BCR: variants seen among roughly 807,000 people sequenced by gnomAD.
BCR encodes breakpoint cluster region protein.
A neutral mutation model predicts 138.6 loss-of-function variants in BCR; 58 were observed. That is an observed-to-expected ratio of 0.42 (90% confidence interval 0.34 to 0.52). BCR has a LOEUF of 0.52. Ranked by LOEUF, BCR falls within the 20% of genes least tolerant of loss-of-function variation. The pLI, the probability that BCR is intolerant of heterozygous loss-of-function variation, is 0.06. For missense variants in BCR, 1,599 were observed against 1,727.2 expected, an observed-to-expected ratio of 0.93 and a Z score of 1.32; for synonymous variants, 786 against 730.1, an observed-to-expected ratio of 1.08 and a Z score of -1.23.
intron 16 of BCR, among the ~76,000 whole-genome samples, chr22:23,300,391 C>T (rs889006342): frequency 7.2e-5 from 11 of 152,236 alleles, no homozygotes; most frequent in African/African-American, 2.7e-4. Flanking sequence ...GAATGTCCTT[C>T]CTCTTGAAGG....
intron 1 of BCR, among the ~76,000 whole-genome samples, chr22:23,198,628 G>A (rs914376856): frequency 6.6e-6 from 1 of 152,166 alleles, no homozygotes; most frequent in Admixed American, 6.5e-5. Context: ...GAAGAGGAAC[G>A]TGATGCTGGG....
intron 1 of BCR, among the ~76,000 whole-genome samples, chr22:23,215,398 C>T (rs541821732): frequency 2.0e-5 from 3 of 152,298 alleles, no homozygotes; most frequent in South Asian, 4.1e-4. Context: ...AGAACCTTCC[C>T]GGTTCTCTTG....
chr22:23,271,559 G>A lies in BCR; in HGVS notation c.1888G>A (p.Ala630Thr). Residue 630 changes from alanine to threonine, a missense_variant, in exon 6 of 23, where the codon GCC (alanine) becomes ACC (threonine). This residue lies in a region of BCR where 590 missense variants were observed against 762.4 expected (regional missense o/e 0.77). Coordinates refer to ENST00000305877, the MANE Select transcript of BCR (RefSeq NM_004327.4). ...CCTGAGAGCCAGAAGCAACAAAGAT[G>A]CCAAGGATCCAACGACCAAGAACTC... Reference protein sequence around the residue: ...ENLRARSNKDAKDPTTKNSLE... With the variant: ...ENLRARSNKDTKDPTTKNSLE... 1 of 1,614,106 alleles carries A rather than the reference G, an allele frequency of 6.2e-7. No homozygotes were observed. Among genetic ancestry groups the A allele is most frequent in the Non-Finnish European group, 8.5e-7 (1 of 1,180,030 alleles).
Position 23,297,302 on chromosome 22 carries a change from A to G in BCR, c.3012+2147A>G, listed in dbSNP as rs796559886. ...AGTGGTGTGATCTTGGCTCTCTGCAACCTCCCGGGTTCAAGCGATTCTCCT... is the reference window on the plus strand; with the variant it reads ...AGTGGTGTGATCTTGGCTCTCTGCAGCCTCCCGGGTTCAAGCGATTCTCCT... On this transcript the variant is annotated intron_variant, in intron 16 of 22. Coordinates refer to ENST00000305877, the MANE Select transcript of BCR (RefSeq NM_004327.4). 9.6e-5 allele frequency among the ~76,000 whole-genome samples: 14 copies of G among 146,142 alleles called. 1 individual carries two copies. The highest frequency in any genetic ancestry group is 3.6e-4 in the African/African-American group (14 of 39,240).
chr22:23,280,822 G>A (rs560411695), intron 8 of BCR, among the ~76,000 whole-genome samples: 1 of 152,234 alleles, frequency 6.6e-6, no homozygotes, highest in Non-Finnish European at 1.5e-5. Context: ...CCCAAAGGGA[G>A]TGTTGTCCTG....
At chr22:23,271,036 C>T (rs76010119) in intron 5 of BCR, among the ~76,000 whole-genome samples, 6,126 of 152,322 alleles carry the variant, frequency 0.04, 193 homozygotes, top group African/African-American at 0.079. Context: ...TGCATGCTGT[C>T]TAATTGCCCC....
At position 23,181,694 on chromosome 22, in the gene BCR, A is replaced by G; in HGVS notation, c.734A>G (p.Asp245Gly). ...SSESSCGVDG[D>G]YEDAELNPRF... ...GAGAGCAGCTGCGGCGTCGACGGCG[A>G]CTACGAGGACGCCGAGTTGAACCCC... The change falls in exon 1 of 23, where the codon GAC becomes GGC. Residue 245 changes from aspartate (D) to glycine (G), a missense_variant. Asp to Gly is a moderately conservative substitution (Grantham distance 94). Transcript: ENST00000305877. 2 of 1,604,846 alleles carry G rather than the reference A, an allele frequency of 1.2e-6. No homozygotes were observed. Among genetic ancestry groups the G allele is most frequent in the East Asian group, 4.5e-5 (2 of 44,868 alleles).
chr22:23,209,317 G>A (rs955785987), intron 1 of BCR, among the ~76,000 whole-genome samples: 4 of 151,034 alleles, frequency 2.6e-5, no homozygotes, highest in African/African-American at 7.3e-5. Context: ...CCGAGATCAC[G>A]CCACTGCACT....
intron 22 of BCR, among the ~76,000 whole-genome samples, 193 bp downstream of exon 22, chr22:23,314,907 A>G (rs191825599): frequency 1.1e-3 from 171 of 152,264 alleles, no homozygotes; most frequent in East Asian, 1.7e-3. Context: ...TGGTCCTGCT[A>G]GTGCACTTTG....
chr22:23,225,989 A>C (rs1458828603), intron 1 of BCR, among the ~76,000 whole-genome samples: 2 of 152,210 alleles, frequency 1.3e-5, no homozygotes, highest in African/African-American at 4.8e-5. Flanking sequence ...TACACAAACA[A>C]ACTCCTGGGC....
intron 1 of BCR, among the ~76,000 whole-genome samples, chr22:23,202,229 A>C (rs1192834113): frequency 6.6e-6 from 1 of 152,156 alleles, no homozygotes; most frequent in Non-Finnish European, 1.5e-5. Context: ...GAGGTAATTC[A>C]TGTACCATAC....
intron 2 of BCR, among the ~76,000 whole-genome samples, chr22:23,260,580 C>G (rs1444590555): frequency 6.6e-6 from 1 of 152,188 alleles, no homozygotes; most frequent in East Asian, 1.9e-4. Flanking sequence ...GGCTCTGACG[C>G]CCCCTCAGGT....
intron 8 of BCR, among the ~76,000 whole-genome samples, chr22:23,275,732 G>T (rs987606385): frequency 6.6e-6 from 1 of 152,182 alleles, no homozygotes; most frequent in Non-Finnish European, 1.5e-5. Flanking sequence ...AAGCCTCCAC[G>T]TGCTGGGTGG....
Position 23,180,998 on chromosome 22 carries a change from C to A in BCR, c.38C>A (p.Ala13Glu), listed in dbSNP as rs199561166. Residue 13 changes from alanine to glutamate, a missense_variant, in exon 1 of 23, where the codon GCG (alanine) becomes GAG (glutamate). Physicochemically the swap from Ala to Glu is moderately radical, Grantham distance 107. Around this residue, in one of 4 missense-constraint regions of BCR, gnomAD observed 806 missense variants for 635.0 expected, o/e 1.27. Coordinates refer to ENST00000305877, the MANE Select transcript of BCR (RefSeq NM_004327.4). ...GTGGGCTTCGCGGAGGCGTGGAAGG[C>A]GCAGTTCCCGGACTCAGAGCCCCCG... Reference protein sequence around the residue: ...DPVGFAEAWKAQFPDSEPPRM... With the variant: ...DPVGFAEAWKEQFPDSEPPRM... 1 of 1,463,744 alleles carries A rather than the reference C, an allele frequency of 6.8e-7. No homozygotes were observed. Among genetic ancestry groups the A allele is most frequent in the Non-Finnish European group, 9.1e-7 (1 of 1,095,366 alleles). The allele number at this position is 1,463,744 out of a possible 1,614,324, so 90.7% of individuals were successfully genotyped here. A position where few individuals can be genotyped will look rare whatever the true frequency, so the allele number is the denominator to read the frequency against.
chr22:23,234,509 C>T (rs528302389), intron 1 of BCR, among the ~76,000 whole-genome samples: 3 of 152,050 alleles, frequency 2.0e-5, no homozygotes, highest in Admixed American at 2.0e-4. Context: ...GGTGGAGTGT[C>T]GAGGAGGACC....
At chr22:23,255,670 C>T (rs71316795) in intron 2 of BCR, among the ~76,000 whole-genome samples, 1 of 152,174 alleles carries the variant, frequency 6.6e-6, no homozygotes, top group African/African-American at 2.4e-5. Flanking sequence ...AGTCCCTGTC[C>T]GGGGGTGGGG....
intron 15 of BCR, among the ~76,000 whole-genome samples, chr22:23,293,875 C>A (rs1198932718): frequency 6.6e-6 from 1 of 151,556 alleles, no homozygotes; most frequent in Non-Finnish European, 1.5e-5. Flanking sequence ...TCCTCCATTT[C>A]CCCGCCAAGA....
At chr22:23,255,273 T>C (rs1382796361) in intron 2 of BCR, among the ~76,000 whole-genome samples, 3 of 152,180 alleles carry the variant, frequency 2.0e-5, no homozygotes, top group African/African-American at 7.2e-5. Flanking sequence ...GGGTAACATG[T>C]ACCTGCTCCG....
chr22:23,212,145 G>A (rs2072693105), intron 1 of BCR, among the ~76,000 whole-genome samples: 1 of 152,134 alleles, frequency 6.6e-6, no homozygotes, highest in African/African-American at 2.4e-5. Context: ...TTTCTTCTTT[G>A]TTATCTTTGC....
Sources: allele counts gnomAD v4.1 joint callset (sites outside exome capture counted in the v4.1 genomes callset), GRCh38; gene constraint gnomAD v4.1.1; regional missense constraint gnomAD v4.1.1; transcripts MANE v1.5; gene names NCBI Gene and HGNC (gene_info 2026-07-23, HGNC 2026-07-21).